Variants in PEBP4 observed in about 807,000 individuals in gnomAD.
PEBP4 encodes phosphatidylethanolamine-binding protein 4.
Under a neutral mutation model 23.9 loss-of-function variants are expected in PEBP4, and 22 were observed. The observed-to-expected ratio is 0.92, with a 90% CI of 0.66 to 1.31. The LOEUF (loss-of-function observed/expected upper bound fraction) is 1.31. Ranked by LOEUF, PEBP4 falls within the 40% of genes most tolerant of loss-of-function variation. The pLI is 0.00. For synonymous variants in PEBP4, 112 were observed against 99.3 expected, an observed-to-expected ratio of 1.13 and a Z score of -0.76; for missense variants, 324 against 281.7, an observed-to-expected ratio of 1.15 and a Z score of -1.07.
chr8:22,891,164 T>C (rs1808484100), intron 3 of PEBP4, among the ~76,000 whole-genome samples: 1 of 152,222 alleles, frequency 6.6e-6, no homozygotes, highest in Non-Finnish European at 1.5e-5. Context: ...ATATGCAGCA[T>C]AATGACCTTG....
At chr8:22,732,336 T>C (rs1403633908) in intron 4 of PEBP4, among the ~76,000 whole-genome samples, 1 of 152,078 alleles carries the variant, frequency 6.6e-6, no homozygotes, top group Non-Finnish European at 1.5e-5. Flanking sequence ...TTCTCACTTA[T>C]AAGTGGGAGC....
intron 3 of PEBP4, among the ~76,000 whole-genome samples, chr8:22,919,704 C>T (rs1411017746): frequency 6.6e-6 from 1 of 152,200 alleles, no homozygotes; most frequent in Non-Finnish European, 1.5e-5. Context: ...ATGCACTGAC[C>T]TCTGCCTGTT....
intron 4 of PEBP4, among the ~76,000 whole-genome samples, chr8:22,743,261 G>A (rs1321310350): frequency 6.6e-6 from 1 of 151,910 alleles, no homozygotes; most frequent in Non-Finnish European, 1.5e-5. Context: ...GACCTCCTGG[G>A]CAGGACCTCC....
chr8:22,929,664 C>A (rs1022006430), upstream of PEBP4, among the ~76,000 whole-genome samples: 3 of 152,178 alleles, frequency 2.0e-5, no homozygotes, highest in African/African-American at 7.2e-5. Context: ...GGAATTTGAA[C>A]CCCAGGCTCT....
At chr8:22,751,347 C>T (rs1020143539) in intron 4 of PEBP4, among the ~76,000 whole-genome samples, 4 of 152,156 alleles carry the variant, frequency 2.6e-5, no homozygotes, top group South Asian at 4.1e-4. Context: ...TGGGGGTGGT[C>T]GGAACAAACC....
At chr8:22,784,266 T>C (rs1010788607) in intron 4 of PEBP4, among the ~76,000 whole-genome samples, 3 of 152,136 alleles carry the variant, frequency 2.0e-5, no homozygotes, top group Non-Finnish European at 4.4e-5. Flanking sequence ...TGAAGGAAGC[T>C]ATGAAGGTTT....
chr8:22,713,656 A>G, intron 6 of PEBP4, 120 bp from the exon 7 acceptor site: 3 of 1,408,840 alleles, frequency 2.1e-6, no homozygotes, highest in Non-Finnish European at 2.0e-6. Context: ...TGCGATGGCC[A>G]TGGGGCGTAG....
chr8:22,731,289 C>A (rs1196262580), intron 4 of PEBP4, among the ~76,000 whole-genome samples: 3 of 152,140 alleles, frequency 2.0e-5, no homozygotes, highest in Non-Finnish European at 4.4e-5. Context: ...AAGACCAACC[C>A]CTTCTCTTCT....
intron 4 of PEBP4, among the ~76,000 whole-genome samples, chr8:22,774,243 C>T (rs1369655538): frequency 6.6e-6 from 1 of 152,228 alleles, no homozygotes; most frequent in Non-Finnish European, 1.5e-5. Context: ...TTGTCTCTTT[C>T]TCTACTTCCA....
intron 6 of PEBP4, among the ~76,000 whole-genome samples, chr8:22,716,942 A>C (rs1430517559): frequency 6.6e-6 from 1 of 152,202 alleles, no homozygotes; most frequent in Non-Finnish European, 1.5e-5. Context: ...AATACAAGTA[A>C]TACTAACCTA....
chr8:22,745,008 G>C (rs552455338), intron 4 of PEBP4, among the ~76,000 whole-genome samples: 2 of 152,270 alleles, frequency 1.3e-5, no homozygotes, highest in South Asian at 4.1e-4. Context: ...TAAGTCTCCT[G>C]ATTCATAGTC....
chr8:22,919,552 C>T (rs1809155052), intron 3 of PEBP4, among the ~76,000 whole-genome samples: 1 of 152,210 alleles, frequency 6.6e-6, no homozygotes, highest in African/African-American at 2.4e-5. Context: ...CTTCCCCAGG[C>T]TTTCCAGACC....
intron 4 of PEBP4, among the ~76,000 whole-genome samples, chr8:22,734,664 C>G (rs1056509462): frequency 2.0e-5 from 3 of 152,168 alleles, no homozygotes; most frequent in African/African-American, 7.2e-5. Context: ...GGTTACTTCT[C>G]TGGATCTCCG....
chr8:22,755,770 A>C (rs1805368062), intron 4 of PEBP4: 1 of 152,178 alleles, frequency 6.6e-6, no homozygotes, highest in Non-Finnish European at 1.5e-5. Flanking sequence ...AACTGGCCTC[A>C]AGAATCCCGC....
rs200500141 is a variant in PEBP4 at position 22,855,000 on chromosome 8, GCACACACACACA to G, written c.259-37277_259-37266del. Among the ~76,000 whole-genome samples the G allele has an allele frequency of 1.8e-3, 134 of 73,790 alleles. 4 individuals are homozygous for G. The South Asian group carries it at 0.048, about 27-fold the overall frequency. The allele number at this position is 73,790 out of a possible 152,430, so 48.4% of individuals were successfully genotyped here. A position where few individuals can be genotyped will look rare whatever the true frequency, so the allele number is the denominator to read the frequency against. The stretch of plus-strand genomic sequence containing the variant: ...TGAGTGTGTATGTGTGAGTATGCAC[GCACACACACACA>G]CACACACACACACACACACACACAC... On this transcript the variant is annotated intron_variant, in intron 3 of 6. Coordinates refer to ENST00000256404, the MANE Select transcript of PEBP4 (RefSeq NM_144962.3).
At chr8:22,872,959 G>A (rs1012428092) in intron 3 of PEBP4, among the ~76,000 whole-genome samples, 1 of 152,156 alleles carries the variant, frequency 6.6e-6, no homozygotes, top group African/African-American at 2.4e-5. Flanking sequence ...TCACAGGTAT[G>A]AGCCACCACG....
chr8:22,927,792 A>T (rs1295564670), intron 1 of PEBP4, 31 bp downstream of exon 1: 2 of 1,576,398 alleles, frequency 1.3e-6, no homozygotes, highest in Non-Finnish European at 1.7e-6. Context: ...TGTGCCCCCG[A>T]CCCCAGGGGC....
rs544725571 is a variant in PEBP4 at position 22,883,474 on chromosome 8, C to T, written c.258+36710G>A. 9.9e-5 allele frequency among the ~76,000 whole-genome samples: 15 copies of T among 152,248 alleles called. 1 individual carries two copies. The highest frequency in any genetic ancestry group is 2.0e-4 in the Admixed American group (3 of 15,284). ...TCTGGCCAGATCTCAACCTCCCACCCCCACATCCCTCTCCAGGGAAGGTTG... is the reference window on the plus strand; with the variant it reads ...TCTGGCCAGATCTCAACCTCCCACCTCCACATCCCTCTCCAGGGAAGGTTG... On this transcript the variant is annotated intron_variant, in intron 3 of 6. Transcript: ENST00000256404.
intron 4 of PEBP4, chr8:22,745,858 CTG>C (rs1805104680): frequency 1.3e-5 from 2 of 152,250 alleles, no homozygotes; most frequent in South Asian, 4.1e-4. Context: ...AGGCAGGAAA[CTG>C]AGGCTCAGGG....
Sources: gnomAD v4.1 joint callset for allele counts (sites outside exome capture counted in the v4.1 genomes callset) on GRCh38, gnomAD v4.1.1 for gene constraint, MANE v1.5 for transcripts, NCBI Gene and HGNC (gene_info 2026-07-23, HGNC 2026-07-21) for gene names.